PARP4: variants seen among roughly 807,000 people sequenced by gnomAD.
The protein encoded by PARP4 is poly(ADP-ribose) polymerase family member 4.
In PARP4, 120 loss-of-function variants were observed where a neutral mutation model predicts 187.7. The observed-to-expected ratio is 0.64, with a 90% CI of 0.55 to 0.74. The LOEUF is 0.74. Among genes scored for constraint, PARP4 ranks in the 30% least tolerant of loss-of-function variants. The probability of loss-of-function intolerance (pLI) is 0.00; values close to 1 mark genes in which losing one functional copy is unlikely to be tolerated. For synonymous variants in PARP4, 654 were observed against 740.9 expected, an observed-to-expected ratio of 0.88 and a Z score of 1.90; for missense variants, 1,836 against 2,070.5, an observed-to-expected ratio of 0.89 and a Z score of 2.20.
chr13:24,492,536 G>GT lies in PARP4; in HGVS notation c.937dup (p.Thr313AsnfsTer33). 6.2e-7 allele frequency: 1 copy of GT among 1,614,028 alleles called. No homozygotes were observed. The highest frequency in any genetic ancestry group is 8.5e-7 in the Non-Finnish European group (1 of 1,179,912). On this transcript the variant is annotated frameshift_variant, in exon 9 of 34. Transcript: ENST00000381989. LOFTEE classifies it high-confidence loss of function. ...CATCATCTTTTGCAATTGCTCTGCT[G>GT]TTTCTCCATTTTTCAGTGCTGCCTT...
chr13:24,424,673 C>T (rs1593579979), intron 33 of PARP4, among the ~76,000 whole-genome samples: 6 of 129,088 alleles, frequency 4.6e-5, no homozygotes, highest in Non-Finnish European at 6.4e-5. Flanking sequence ...AAATTATGTA[C>T]TTTTTTTTTT....
At chr13:24,495,132 A>G (rs1868876893) in intron 6 of PARP4, among the ~76,000 whole-genome samples, 2 of 152,164 alleles carry the variant, frequency 1.3e-5, no homozygotes. Context: ...CGGCCTCCCA[A>G]AGGGCTAGGA....
chr13:24,427,292 A>G (rs1212729656), intron 32 of PARP4, among the ~76,000 whole-genome samples: 1 of 152,182 alleles, frequency 6.6e-6, no homozygotes, highest in Non-Finnish European at 1.5e-5. Flanking sequence ...ATATTATGAA[A>G]TATCAAAATT....
At position 24,486,231 on chromosome 13, in the gene PARP4, A is replaced by G. The variant is rs1369761732; in HGVS notation, c.1289T>C (p.Leu430Pro). 1 of 1,613,774 alleles carries G rather than the reference A, an allele frequency of 6.2e-7. No homozygotes were observed. The highest frequency in any genetic ancestry group is 8.5e-7 in the Non-Finnish European group (1 of 1,179,688). Residue 430 changes from leucine (L) to proline (P), a missense_variant, in exon 11 of 34, where the codon CTT becomes CCT. By Grantham distance (98) the Leu-to-Pro change is moderately conservative. Transcript: ENST00000381989. ...ATGCAACAAGGGCCTCACATTACCA[A>G]GTTTGCTCAAAAACTCTGTGGTTTC... ...VNETTEFLSK[L>P]GNVRPLLHGS...
chr13:24,442,767 C>T (rs1388510553), intron 28 of PARP4, 82 bp from the exon 29 acceptor site: 1 of 751,004 alleles, frequency 1.3e-6, no homozygotes, highest in Non-Finnish European at 2.3e-6. Context: ...ATTCGTATTT[C>T]AGACTAAATA....
chr13:24,444,767 G>A lies in PARP4; in HGVS notation c.3367-1037C>T, dbSNP rs564680740. Among the ~76,000 whole-genome samples the A allele has an allele frequency of 2.0e-5, 3 of 152,326 alleles. No individual in the cohort carries two copies. In the East Asian group the frequency reaches 5.8e-4, roughly 29 times the overall value. On this transcript the variant is annotated intron_variant, in intron 27 of 33. Coordinates refer to ENST00000381989, the MANE Select transcript of PARP4 (RefSeq NM_006437.4). ...GCAGACATAGGAGTAGCTCTGAAAA[G>A]CAGTCCTTTTGCAGGGAATATTTGC...
At chr13:24,491,859 C>T (rs577234395) in intron 9 of PARP4, among the ~76,000 whole-genome samples, 1 of 152,350 alleles carries the variant, frequency 6.6e-6, no homozygotes, top group African/African-American at 2.4e-5. Context: ...ATGAGTCTGC[C>T]AGGGGCTTCC....
chr13:24,492,773 C>T (rs115074853), intron 8 of PARP4, among the ~76,000 whole-genome samples, 179 bp from the exon 9 acceptor site: 77 of 152,260 alleles, frequency 5.1e-4, no homozygotes, highest in African/African-American at 1.8e-3. Context: ...GGCAAAGATG[C>T]CATGAGGATT....
intron 32 of PARP4, among the ~76,000 whole-genome samples, chr13:24,428,654 G>A (rs890710588): frequency 6.6e-6 from 1 of 152,098 alleles, no homozygotes; most frequent in African/African-American, 2.4e-5. Context: ...GCTAATTTTT[G>A]TAGAGATGGG....
At chr13:24,438,295 G>T (rs1003434664) in intron 30 of PARP4, among the ~76,000 whole-genome samples, 1 of 152,160 alleles carries the variant, frequency 6.6e-6, no homozygotes, top group African/African-American at 2.4e-5. Context: ...GTTCACAACA[G>T]GTTCGGGGCT....
chr13:24,483,660 C>T lies in PARP4; in HGVS notation c.1448+993G>A, dbSNP rs182473221. Among the ~76,000 whole-genome samples the T allele has an allele frequency of 2.0e-5, 3 of 152,070 alleles. No homozygotes were observed. The East Asian group carries it at 5.8e-4, about 30-fold the overall frequency. On this transcript the variant is annotated intron_variant, in intron 12 of 33. Coordinates refer to ENST00000381989, the MANE Select transcript of PARP4 (RefSeq NM_006437.4). ...TCATTTTTTGAGACAGAATCTTGCT[C>T]TTGTCACCCAGGCTGGAGTGCAGTG... is the stretch of plus-strand genomic sequence containing the variant.
In PARP4 at chr13:24,487,633, G is replaced by A. The variant is rs1200017591; in HGVS notation, c.1215-1328C>T. Reference sequence around the variant, plus strand: ...GTAGCTAAGATGGGGCAGTTGTTGGGGGAGACGGGGGTACGGCTGAGGGCA... The same window carrying A: ...GTAGCTAAGATGGGGCAGTTGTTGGAGGAGACGGGGGTACGGCTGAGGGCA... On this transcript the variant is annotated intron_variant, in intron 10 of 33. Transcript: ENST00000381989. 6.6e-5 allele frequency among the ~76,000 whole-genome samples: 10 copies of A among 152,142 alleles called. 1 individual carries two copies. Among genetic ancestry groups the A allele is most frequent in the Non-Finnish European group, 2.9e-5 (2 of 68,012 alleles).
At chr13:24,432,018 T>C (rs1420610187) in intron 31 of PARP4, among the ~76,000 whole-genome samples, 4 of 152,240 alleles carry the variant, frequency 2.6e-5, no homozygotes, top group South Asian at 4.1e-4. Context: ...TGAGCCACCA[T>C]ACCCGGCCGA....
At position 24,434,476 on chromosome 13, in the gene PARP4, TA is replaced by T. The variant is rs1870502822; in HGVS notation, c.4664del (p.Val1555GlufsTer7). 1 of 1,613,098 alleles carries T rather than the reference TA, an allele frequency of 6.2e-7. No homozygotes were observed. The highest frequency in any genetic ancestry group is 1.3e-5 in the African/African-American group (1 of 75,070). ...KDDSILCFLE[V>X]KEEDEIVCIQ... ...TGCACACTATTTCATCCTCTTCTTT[TA>T]CTTCCAGAAAGCACAGGATACTGTC... On this transcript the variant is annotated frameshift_variant, in exon 31 of 34. Coordinates refer to ENST00000381989, the MANE Select transcript of PARP4 (RefSeq NM_006437.4). LOFTEE classifies it high-confidence loss of function.
chr13:24,460,475 C>CTCTGCTGCACGGGTGGGCTCTGCTGCAT (rs1566001767), intron 17 of PARP4, among the ~76,000 whole-genome samples: 21 of 126,476 alleles, frequency 1.7e-4, no homozygotes, highest in Non-Finnish European at 2.8e-4. Flanking sequence ...CTCTGCTGCA[C>CTCTGCTGCACGGGTGGGCTCTGCTGCAT]GGGTGGGCTC....
At chr13:24,425,583 A>G (rs1452405581) in intron 33 of PARP4, among the ~76,000 whole-genome samples, 3 of 118,922 alleles carry the variant, frequency 2.5e-5, no homozygotes, top group African/African-American at 1.1e-4. Context: ...ATCTATATCT[A>G]TATCTATATC....
chr13:24,493,773 T>G (rs750907386), intron 7 of PARP4, 40 bp from the exon 8 acceptor site: 9 of 1,602,396 alleles, frequency 5.6e-6, no homozygotes, highest in Non-Finnish European at 7.7e-6. Flanking sequence ...AAAGTCATCA[T>G]GTGTGAGTTT....
Position 24,446,976 on chromosome 13 carries a change from T to C in PARP4, c.3285+40A>G, listed in dbSNP as rs573148724. The C allele has an allele frequency of 7.8e-6, 12 of 1,536,546 alleles. No individual in the cohort carries two copies. In the African/African-American group the frequency reaches 1.3e-4, roughly 16 times the overall value. On this transcript the variant is annotated intron_variant, in intron 26 of 33. Coordinates refer to ENST00000381989, the MANE Select transcript of PARP4 (RefSeq NM_006437.4). ...ACAGAAAAAAAATTAGCAAAATATA[T>C]TGGTCTTCCCATAGAATAACAAACT...
chr13:24,487,695 A>G lies in PARP4; in HGVS notation c.1215-1390T>C, dbSNP rs1006522474. Among the ~76,000 whole-genome samples, 9 of 152,234 alleles carry G rather than the reference A, an allele frequency of 5.9e-5. No individual in the cohort carries two copies. The South Asian group carries it at 1.7e-3, about 28-fold the overall frequency. The stretch of plus-strand genomic sequence containing the variant: ...AGGAAGGGCACATCTTCCCAACCCC[A>G]TGTCCAGTGGCCTCAGGTCAGCACC... On this transcript the variant is annotated intron_variant, in intron 10 of 33. Coordinates refer to ENST00000381989, the MANE Select transcript of PARP4 (RefSeq NM_006437.4).
Sources: allele counts gnomAD v4.1 joint callset (sites outside exome capture counted in the v4.1 genomes callset), GRCh38; gene constraint gnomAD v4.1.1; transcripts MANE v1.5; gene names NCBI Gene and HGNC (gene_info 2026-07-23, HGNC 2026-07-21).